The following RNF216 variants were observed in gnomAD, a reference collection of about 807,000 sequenced individuals.
RNF216 encodes E3 ubiquitin-protein ligase RNF216.
In RNF216, 72 loss-of-function variants were observed where a neutral mutation model predicts 110.8. The ratio of observed to expected loss-of-function variants is 0.65; its 90% CI spans 0.54 to 0.79. RNF216 has a LOEUF of 0.79. RNF216 is among the 30% of genes least tolerant of loss of function. The probability of loss-of-function intolerance (pLI) is 0.00; values close to 1 mark genes in which losing one functional copy is unlikely to be tolerated. For missense variants in RNF216, 1,342 were observed against 1,141.2 expected (o/e 1.18, Z -2.54); for synonymous variants, 495 against 407.5 (o/e 1.21, Z -2.59).
chr7:5,633,008 C>T (rs1318539500), intron 15 of RNF216, among the ~76,000 whole-genome samples: 4 of 151,896 alleles, frequency 2.6e-5, no homozygotes, highest in South Asian at 2.1e-4. Context: ...GAGACAGAGT[C>T]GTGCTCTATC....
intron 13 of RNF216, among the ~76,000 whole-genome samples, chr7:5,709,300 G>C (rs1168251173): frequency 6.6e-6 from 1 of 152,220 alleles, no homozygotes; most frequent in Non-Finnish European, 1.5e-5. Flanking sequence ...AAAGATGCCA[G>C]GAGTTGGGAG....
intron 2 of RNF216, among the ~76,000 whole-genome samples, chr7:5,753,846 T>C (rs887388081): frequency 3.3e-5 from 5 of 152,036 alleles, no homozygotes; most frequent in Admixed American, 2.0e-4. Flanking sequence ...AATACAAAAA[T>C]TAGCCATGCG....
At position 5,750,447 on chromosome 7, in the gene RNF216, T is replaced by C. The variant is rs576605934; in HGVS notation, c.201+2399A>G. Among the ~76,000 whole-genome samples, 18 of 152,326 alleles carry C rather than the reference T, an allele frequency of 1.2e-4. No individual in the cohort carries two copies. The East Asian group carries it at 2.5e-3, about 21-fold the overall frequency. On this transcript the variant is annotated intron_variant, in intron 3 of 16. Transcript: ENST00000389902. ...TTACTGTGATTATCTTTGGTAGAAA[T>C]GGGAGTGACTTAGAGAGGAAAATTA...
intron 3 of RNF216, among the ~76,000 whole-genome samples, chr7:5,750,903 A>C (rs1795293820): frequency 6.8e-6 from 1 of 146,344 alleles, no homozygotes; most frequent in African/African-American, 2.6e-5. Context: ...AACTCAACAG[A>C]GAAGATTCTG....
intron 13 of RNF216, among the ~76,000 whole-genome samples, chr7:5,659,272 C>T (rs1418146416): frequency 6.6e-6 from 1 of 152,188 alleles, no homozygotes; most frequent in Non-Finnish European, 1.5e-5. Context: ...AAGTTAGGCT[C>T]AGTTTCTATC....
intron 1 of RNF216, among the ~76,000 whole-genome samples, chr7:5,774,610 G>C (rs952086303): frequency 6.6e-6 from 1 of 152,068 alleles, no homozygotes; most frequent in Admixed American, 6.6e-5. Context: ...ACATTACAAG[G>C]CTATGTTGAA....
At chr7:5,703,813 T>C (rs751041475) in intron 13 of RNF216, among the ~76,000 whole-genome samples, 1 of 152,170 alleles carries the variant, frequency 6.6e-6, no homozygotes, top group Non-Finnish European at 1.5e-5. Context: ...TGCCTAAACC[T>C]CCACCTTGTG....
intron 14 of RNF216, among the ~76,000 whole-genome samples, chr7:5,644,998 C>A (rs936001104): frequency 2.6e-5 from 4 of 151,606 alleles, no homozygotes; most frequent in African/African-American, 9.7e-5. Flanking sequence ...CTAATTTTTG[C>A]ATTTTTAGGC....
At chr7:5,663,671 C>T (rs915981141) in intron 13 of RNF216, among the ~76,000 whole-genome samples, 4 of 149,942 alleles carry the variant, frequency 2.7e-5, no homozygotes, top group East Asian at 2.0e-4. Context: ...GAGGCTGAGG[C>T]GGGCAGGTCA....
At chr7:5,700,881 G>C (rs562058984) in intron 13 of RNF216, among the ~76,000 whole-genome samples, 1 of 152,250 alleles carries the variant, frequency 6.6e-6, no homozygotes, top group African/African-American at 2.4e-5. Flanking sequence ...GCACCAAGAA[G>C]ACAAACCCTG....
Position 5,638,633 on chromosome 7 carries a change from AT to A in RNF216, c.2382+2520del, listed in dbSNP as rs34089106. Among the ~76,000 whole-genome samples, 450 of 139,226 alleles carry A rather than the reference AT, an allele frequency of 3.2e-3. 1 individual carries two copies. Among genetic ancestry groups the A allele is most frequent in the African/African-American group, 6.4e-3 (239 of 37,162 alleles). 91.3% of individuals were successfully genotyped at this position (139,226 alleles called of 152,430 possible). ...ATTGTGGCCAGGTAGAAAAGCAAGC[AT>A]TTTTTTTTTTTTTTTGGGGGGGAGA... On this transcript the variant is annotated intron_variant, in intron 15 of 16. Coordinates refer to ENST00000389902, the MANE Select transcript of RNF216 (RefSeq NM_207111.4).
intron 3 of RNF216, among the ~76,000 whole-genome samples, chr7:5,742,665 A>G (rs1289782036): frequency 7.6e-6 from 1 of 131,820 alleles, no homozygotes; most frequent in Non-Finnish European, 1.5e-5. Flanking sequence ...GCATGATCTC[A>G]GCTCACTCCA....
intron 8 of RNF216, among the ~76,000 whole-genome samples, chr7:5,724,628 A>G (rs1793638936): frequency 6.6e-6 from 1 of 152,236 alleles, no homozygotes; most frequent in Admixed American, 6.5e-5. Context: ...TAGAGCCTGA[A>G]AAGTTCATAG....
rs908423121 is a variant in RNF216, at chr7:5,652,560, C to A, written c.2062-50G>T. ...GACAACTCCTGGTGAGTGGACACCA[C>A]AGAAGTTCCTGTTCAACAAAAGGGA... On this transcript the variant is annotated intron_variant, in intron 13 of 16. Transcript: ENST00000389902. The A allele has an allele frequency of 2.5e-6, 3 of 1,219,272 alleles. No homozygotes were observed. The Admixed American group carries it at 5.2e-5, about 21-fold the overall frequency. The allele number at this position is 1,219,272 out of a possible 1,614,324, so 75.5% of individuals were successfully genotyped here.
chr7:5,781,654 G>A lies in RNF216; in HGVS notation c.-183C>T, dbSNP rs1027551875. ...CGTGGCAGCCGCTGCACTCCTTCCG[G>A]CCCTGCCGCGGCGTCACCTCGCGCC... On this transcript the variant is annotated 5_prime_UTR_variant, in exon 1 of 17. Coordinates refer to ENST00000389902, the MANE Select transcript of RNF216 (RefSeq NM_207111.4). 2.0e-5 allele frequency: 3 copies of A among 152,382 alleles called. No homozygotes were observed. Among genetic ancestry groups the A allele is most frequent in the Non-Finnish European group, 4.4e-5 (3 of 68,160 alleles). The allele number at this position is 152,382 out of a possible 1,614,324, so 9.4% of individuals were successfully genotyped here.
intron 15 of RNF216, among the ~76,000 whole-genome samples, chr7:5,639,012 C>T (rs542446738): frequency 6.6e-6 from 1 of 152,154 alleles, no homozygotes; most frequent in Non-Finnish European, 1.5e-5. Flanking sequence ...CATAGGGAGA[C>T]TCCTCAGTAT....
chr7:5,753,860 T>C (rs1292808602), intron 2 of RNF216, among the ~76,000 whole-genome samples: 1 of 152,106 alleles, frequency 6.6e-6, no homozygotes, highest in Non-Finnish European at 1.5e-5. Flanking sequence ...CCATGCGTGG[T>C]GGCGCATGCC....
At chr7:5,705,243 A>G (rs1306249368) in intron 13 of RNF216, among the ~76,000 whole-genome samples, 3 of 152,172 alleles carry the variant, frequency 2.0e-5, no homozygotes, top group African/African-American at 7.2e-5. Flanking sequence ...TACACACTGG[A>G]TGTCTCCCCT....
chr7:5,701,469 T>TATTA (rs1216387986), intron 13 of RNF216, among the ~76,000 whole-genome samples: 4 of 152,178 alleles, frequency 2.6e-5, no homozygotes, highest in African/African-American at 9.7e-5. Context: ...ACTGGGCAGC[T>TATTA]ATTACTTCGT....
Sources: allele counts gnomAD v4.1 joint callset (sites outside exome capture counted in the v4.1 genomes callset), GRCh38; gene constraint gnomAD v4.1.1; transcripts MANE v1.5; gene names NCBI Gene and HGNC (gene_info 2026-07-23, HGNC 2026-07-21).